ZFHX3: variants seen among roughly 807,000 people sequenced by gnomAD.
ZFHX3 encodes zinc finger homeobox protein 3.
Under a neutral mutation model 279.1 loss-of-function variants are expected in ZFHX3, and 42 were observed. The ratio of observed to expected loss-of-function variants is 0.15; its 90% CI spans 0.12 to 0.19. The LOEUF is 0.19. Ranked by LOEUF, ZFHX3 falls within the 10% of genes least tolerant of loss-of-function variation. The pLI is 1.00. For synonymous variants in ZFHX3, 2,293 were observed against 1,957.8 expected, an observed-to-expected ratio of 1.17 and a Z score of -4.52; for missense variants, 4,981 against 4,754.0, an observed-to-expected ratio of 1.05 and a Z score of -1.40.
At chr16:73,512,142 T>C (rs989451697) in intron 2 of ZFHX3, among the ~76,000 whole-genome samples, 1 of 151,912 alleles carries the variant, frequency 6.6e-6, no homozygotes, top group African/African-American at 2.4e-5. Flanking sequence ...TCCATAAGAA[T>C]GGATTGGCCT....
At chr16:72,901,597 T>C (rs1344069061) in intron 3 of ZFHX3, among the ~76,000 whole-genome samples, 1 of 152,176 alleles carries the variant, frequency 6.6e-6, no homozygotes, top group African/African-American at 2.4e-5. Context: ...ACTTCTGGCG[T>C]CGATCACTCT....
At chr16:72,825,248 A>T (rs1490209721) in intron 5 of ZFHX3, among the ~76,000 whole-genome samples, 1 of 152,210 alleles carries the variant, frequency 6.6e-6, no homozygotes, top group African/African-American at 2.4e-5. Context: ...TCCTTACAAG[A>T]CATATATCCA....
At chr16:73,756,057 T>C (rs2053805877) in intron 1 of ZFHX3, among the ~76,000 whole-genome samples, 1 of 151,738 alleles carries the variant, frequency 6.6e-6, no homozygotes, top group South Asian at 2.1e-4. Flanking sequence ...CCAGGGTTCC[T>C]CCATGGCTGA....
At chr16:73,049,302 C>G (rs186222874), upstream of ZFHX3, among the ~76,000 whole-genome samples, 20 of 152,352 alleles carry the variant, frequency 1.3e-4, no homozygotes, top group Middle Eastern at 3.4e-3. Flanking sequence ...CCAGGCTGGC[C>G]TTACAGCCTG....
At chr16:73,183,691 T>C (rs1478721605) in intron 5 of ZFHX3, among the ~76,000 whole-genome samples, 1 of 152,216 alleles carries the variant, frequency 6.6e-6, no homozygotes, top group Non-Finnish European at 1.5e-5. Context: ...AAGTTATGTT[T>C]ATAGCTGCTG....
At chr16:73,361,761 A>C (rs2016437116) in intron 3 of ZFHX3, among the ~76,000 whole-genome samples, 1 of 152,152 alleles carries the variant, frequency 6.6e-6, no homozygotes, top group Non-Finnish European at 1.5e-5. Context: ...ATAATATATC[A>C]GTTTTTGAGA....
chr16:73,483,470 C>G (rs2018910174), intron 2 of ZFHX3: 1 of 436,656 alleles, frequency 2.3e-6, no homozygotes, highest in Admixed American at 2.6e-5. Flanking sequence ...CTGTGCTCTG[C>G]CAATTCAAAT....
Position 73,746,391 on chromosome 16 carries a change from G to A in ZFHX3, c.-1607-66151C>T, listed in dbSNP as rs116802536. On this transcript the variant is annotated intron_variant, in intron 1 of 17. Transcript: ENST00000641206. ...TATTATAAATCTCTTTCTTATATAC[G>A]GAACAAAAGAAGGCTTGATAGCACT... 1.9e-3 allele frequency among the ~76,000 whole-genome samples: 285 copies of A among 152,136 alleles called. 2 individuals are homozygous for A. The highest frequency in any genetic ancestry group is 5.8e-3 in the African/African-American group (240 of 41,504).
intron 1 of ZFHX3, among the ~76,000 whole-genome samples, chr16:73,737,019 C>T (rs973762997): frequency 6.6e-6 from 1 of 152,102 alleles, no homozygotes; most frequent in African/African-American, 2.4e-5. Flanking sequence ...CTGTGGTTTT[C>T]TGTGACTCCA....
intron 3 of ZFHX3, among the ~76,000 whole-genome samples, chr16:73,326,213 T>C (rs1390702079): frequency 1.3e-5 from 2 of 152,114 alleles, no homozygotes; most frequent in East Asian, 3.8e-4. Flanking sequence ...AGATAAATCA[T>C]AAAGAATAAT....
chr16:73,427,929 C>A (rs549784332), intron 3 of ZFHX3, among the ~76,000 whole-genome samples: 1 of 151,980 alleles, frequency 6.6e-6, no homozygotes, highest in African/African-American at 2.4e-5. Context: ...GGCGACAGAG[C>A]GAGACTCTGT....
At chr16:72,903,037 A>G (rs1257520075) in intron 3 of ZFHX3, among the ~76,000 whole-genome samples, 1 of 152,292 alleles carries the variant, frequency 6.6e-6, no homozygotes, top group East Asian at 1.9e-4. Flanking sequence ...CCGGTACTGC[A>G]GGAGTCTGAA....
rs552751209 is a variant in ZFHX3, at chr16:72,797,632, G to T, written c.5050C>A (p.Pro1684Thr). ...GGTGGCATCCCTACACTCTCAGTGG[G>T]CACTTGGCTTAGTAAGTTAGAGCTT... ...APSSNLLSQV[P>T]TESVGMPPLG... is the part of the protein sequence containing the mutation. Residue 1684 changes from proline (P) to threonine (T), a missense_variant, in exon 9 of 10, where the codon CCC (proline) becomes ACC (threonine). Physicochemically the swap from Pro to Thr is conservative, Grantham distance 38. Transcript: ENST00000268489. 2.5e-6 allele frequency: 4 copies of T among 1,614,188 alleles called. No individual in the cohort carries two copies. In the African/African-American group the frequency reaches 4.0e-5, roughly 16 times the overall value.
chr16:72,909,523 A>T (rs1236301036), intron 3 of ZFHX3, among the ~76,000 whole-genome samples: 1 of 151,374 alleles, frequency 6.6e-6, no homozygotes, highest in East Asian at 1.9e-4. Context: ...TCTTTCTCTC[A>T]CACACACCCT....
intron 2 of ZFHX3, among the ~76,000 whole-genome samples, chr16:73,489,126 T>C (rs1359353438): frequency 2.0e-5 from 3 of 152,218 alleles, no homozygotes; most frequent in Admixed American, 2.0e-4. Flanking sequence ...ATATCATCAG[T>C]ACCTTCCGTG....
intron 1 of ZFHX3, among the ~76,000 whole-genome samples, chr16:73,775,116 A>G (rs1959218160): frequency 6.6e-6 from 1 of 152,188 alleles, no homozygotes; most frequent in Non-Finnish European, 1.5e-5. Context: ...GAGATTTCCA[A>G]AAGTAAATTT....
chr16:73,886,364 A>C (rs1474741516), intron 1 of ZFHX3, among the ~76,000 whole-genome samples: 1 of 152,206 alleles, frequency 6.6e-6, no homozygotes, highest in Admixed American at 6.5e-5. Context: ...TAACCTCAAA[A>C]AAGCTTACAT....
At chr16:73,843,427 T>G (rs1226774114) in intron 1 of ZFHX3, among the ~76,000 whole-genome samples, 1 of 152,198 alleles carries the variant, frequency 6.6e-6, no homozygotes, top group Non-Finnish European at 1.5e-5. Context: ...AAACAAAGCC[T>G]TTGCCACTGA....
At chr16:73,349,639 TCCC>T (rs1567457461) in intron 3 of ZFHX3, among the ~76,000 whole-genome samples, 410 of 21,948 alleles carry the variant, frequency 0.019, 8 homozygotes, top group African/African-American at 0.042. Context: ...CCTCCCTCCC[TCCC>T]TCCCTCTCTC....
Sources: allele counts gnomAD v4.1 joint callset (sites outside exome capture counted in the v4.1 genomes callset), GRCh38; gene constraint gnomAD v4.1.1; transcripts MANE v1.5; gene names NCBI Gene and HGNC (gene_info 2026-07-23, HGNC 2026-07-21).